PRR3: variants seen among roughly 807,000 people sequenced by gnomAD.
PRR3 encodes proline-rich protein 3.
A neutral mutation model predicts 22.4 loss-of-function variants in PRR3; 16 were observed. The ratio of observed to expected loss-of-function variants is 0.71; its 90% CI spans 0.48 to 1.09. The LOEUF (loss-of-function observed/expected upper bound fraction) is 1.09, where lower values mean the gene tolerates loss of function less well. PRR3 is among the 50% of genes least tolerant of loss of function. The pLI, the probability that PRR3 is intolerant of heterozygous loss-of-function variation, is 0.00. For missense variants in PRR3, 224 were observed against 243.4 expected, an observed-to-expected ratio of 0.92 and a Z score of 0.53; for synonymous variants, 87 against 88.6, an observed-to-expected ratio of 0.98 and a Z score of 0.10.
Position 30,561,106 on chromosome 6 carries a change from C to A in PRR3, c.170-728C>A. 2.2e-5 allele frequency: 5 copies of A among 230,466 alleles called. No homozygotes were observed. Among genetic ancestry groups the A allele is most frequent in the South Asian group, 4.6e-5 (1 of 21,630 alleles). The allele number at this position is 230,466 out of a possible 1,614,324, so 14.3% of individuals were successfully genotyped here. ...ACTCACCATGGCAAAATTTAAAAACCTAACAATTCCAAGTGTTGTCAAGGC... is the reference window on the plus strand; with the variant it reads ...ACTCACCATGGCAAAATTTAAAAACATAACAATTCCAAGTGTTGTCAAGGC... On this transcript the variant is annotated intron_variant, in intron 2 of 3. Coordinates refer to ENST00000376560, the MANE Select transcript of PRR3 (RefSeq NM_025263.4). The surrounding 1 kb of genome is among the most constrained non-coding windows in gnomAD (Gnocchi z 4.0).
rs1245730279 is a variant in PRR3 at position 30,561,405 on chromosome 6, C to T, written c.170-429C>T. The T allele has an allele frequency of 2.1e-6, 1 of 473,654 alleles. No homozygotes were observed. Among genetic ancestry groups the T allele is most frequent in the Non-Finnish European group, 4.2e-6 (1 of 239,192 alleles). The allele number at this position is 473,654 out of a possible 1,614,324, so 29.3% of individuals were successfully genotyped here. ...ATTGTTGTGTATGCATGCAATGGGA[C>T]TACACTGCAACGAAAATGAATGAAC... On this transcript the variant is annotated intron_variant, in intron 2 of 3. Transcript: ENST00000376560. This position sits in a 1 kb window ranked among gnomAD's most constrained non-coding sequence, Gnocchi z 4.0.
Position 30,562,167 on chromosome 6 carries a change from A to G in PRR3, c.460+43A>G, listed in dbSNP as rs2127392594. The G allele has an allele frequency of 4.0e-6, 6 of 1,514,070 alleles. No homozygotes were observed. In the South Asian group the frequency reaches 4.0e-5, roughly 10 times the overall value. 93.8% of individuals were successfully genotyped at this position (1,514,070 alleles called of 1,614,324 possible). A position where few individuals can be genotyped will look rare whatever the true frequency, so the allele number is the denominator to read the frequency against. ...ATGCCCATTACTCCCAGAGTGACCT[A>G]ATTTTCAGAAGATCATTCACAATCT... is the stretch of plus-strand genomic sequence containing the variant. On this transcript the variant is annotated intron_variant, in intron 3 of 3. Coordinates refer to ENST00000376560, the MANE Select transcript of PRR3 (RefSeq NM_025263.4).
At chr6:30,557,047 T>A (rs1400164351), upstream of PRR3, 1 of 700,900 alleles carries the variant, frequency 1.4e-6, no homozygotes, top group Non-Finnish European at 2.6e-6. Context: ...TGTGACACAC[T>A]CTGAGGAGCT....
chr6:30,560,878 T>C (rs1378955031), intron 2 of PRR3: 2 of 157,046 alleles, frequency 1.3e-5, no homozygotes, highest in East Asian at 3.8e-4. Context: ...AGATGGTAAT[T>C]TTTATGTGTT....
intron 2 of PRR3, chr6:30,560,831 A>G (rs1158722836): frequency 1.3e-5 from 2 of 153,136 alleles, no homozygotes; most frequent in African/African-American, 2.4e-5. Flanking sequence ...ATATGAATAT[A>G]TGTAACACTA....
At position 30,562,590 on chromosome 6, in the gene PRR3, C is replaced by T; in HGVS notation, c.*95C>T. 1 of 785,102 alleles carries T rather than the reference C, an allele frequency of 1.3e-6. No homozygotes were observed. Among genetic ancestry groups the T allele is most frequent in the African/African-American group, 1.7e-5 (1 of 58,168 alleles). 48.6% of individuals were successfully genotyped at this position (785,102 alleles called of 1,614,324 possible). A position where few individuals can be genotyped will look rare whatever the true frequency, so the allele number is the denominator to read the frequency against. On this transcript the variant is annotated 3_prime_UTR_variant, in exon 4 of 4. Coordinates refer to ENST00000376560, the MANE Select transcript of PRR3 (RefSeq NM_025263.4). ...CTATGATGGCTACTGTGAGGCTCTT[C>T]TAACACCCTCAGTCAGTGACACACC... is the stretch of plus-strand genomic sequence containing the variant.
At chr6:30,559,831 AGGG>A (rs1256147871) in intron 2 of PRR3, among the ~76,000 whole-genome samples, 3 of 152,132 alleles carry the variant, frequency 2.0e-5, no homozygotes, top group African/African-American at 7.2e-5. Flanking sequence ...AATGGAAAGC[AGGG>A]TCTTGAGATA....
At chr6:30,557,953 T>C (rs1800369968) in intron 1 of PRR3, among the ~76,000 whole-genome samples, 197 bp from the exon 2 acceptor site, 1 of 152,250 alleles carries the variant, frequency 6.6e-6, no homozygotes, top group Non-Finnish European at 1.5e-5. Flanking sequence ...TGATTGAATA[T>C]CTACTTTTTG....
intron 1 of PRR3, among the ~76,000 whole-genome samples, chr6:30,557,946 T>C (rs1386378743): frequency 6.6e-6 from 1 of 152,212 alleles, no homozygotes; most frequent in East Asian, 1.9e-4. Flanking sequence ...TCCCCTTTGA[T>C]TGAATATCTA....
chr6:30,561,926 A>G lies in PRR3; in HGVS notation c.262A>G (p.Arg88Gly). Residue 88 changes from arginine (R) to glycine (G), a missense_variant, in exon 3 of 4, where the codon AGA becomes GGA. Transcript: ENST00000376560. The surrounding 1 kb of genome is among the most constrained non-coding windows in gnomAD (Gnocchi z 4.0). ...TCCTTGGGGTAGAGGCCCAATTCGG[A>G]GAGGGCTTGGCCCCAGGTCTAGCCC... ...PPPWGRGPIR[R>G]GLGPRSSPYG... 2.5e-6 allele frequency: 4 copies of G among 1,612,884 alleles called. No homozygotes were observed. The highest frequency in any genetic ancestry group is 1.1e-5 in the South Asian group (1 of 91,066).
In PRR3 at chr6:30,562,401, G is replaced by A. The variant is rs149611238; in HGVS notation, c.473G>A (p.Arg158His). The change falls in exon 4 of 4, where the codon CGC becomes CAC. Residue 158 changes from arginine (R) to histidine (H), a missense_variant. Physicochemically the swap from Arg to His is conservative, Grantham distance 29. Transcript: ENST00000376560. Reference protein sequence around the residue: ...DPQVMEDKSDRPVCRHFAKKG... With the variant: ...DPQVMEDKSDHPVCRHFAKKG... Reference sequence around the variant, plus strand: ...CACTTGTTCACAGACAAATCCGACCGCCCTGTCTGCCGACATTTTGCCAAA... The same window carrying A: ...CACTTGTTCACAGACAAATCCGACCACCCTGTCTGCCGACATTTTGCCAAA... The A allele has an allele frequency of 5.9e-4, 958 of 1,613,352 alleles. 2 individuals carry two copies. Among genetic ancestry groups the A allele is most frequent in the Non-Finnish European group, 7.3e-4 (858 of 1,179,502 alleles).
At chr6:30,558,058 T>G in intron 1 of PRR3, 92 bp from the exon 2 acceptor site, 1 of 1,101,856 alleles carries the variant, frequency 9.1e-7, no homozygotes. Context: ...CTGGTTGAAT[T>G]AAGAAATAAG....
At chr6:30,556,939 C>A, upstream of PRR3, 4 of 617,094 alleles carry the variant, frequency 6.5e-6, no homozygotes, top group Non-Finnish European at 1.2e-5. This position sits in a 1 kb window ranked among gnomAD's most constrained non-coding sequence, Gnocchi z 5.7. Context: ...CGAAGTTGTG[C>A]CTGCAGCTGT....
At chr6:30,562,177 A>C in intron 3 of PRR3, 53 bp downstream of exon 3, 1 of 1,503,276 alleles carries the variant, frequency 6.7e-7, no homozygotes, top group Non-Finnish European at 8.9e-7. Flanking sequence ...AATTTTCAGA[A>C]GATCATTCAC....
chr6:30,559,888 G>C (rs1254654191), intron 2 of PRR3: 1 of 152,014 alleles, frequency 6.6e-6, no homozygotes, highest in Non-Finnish European at 1.5e-5. Flanking sequence ...CAATAACAAA[G>C]AGGTGGAAGC....
Position 30,562,703 on chromosome 6 carries a change from T to C in PRR3, c.*208T>C. ...ATACGCGCTTTCTTCTGATCCAGCC[T>C]GTAGAGACTCGCCTTTGGGACCCAT... On this transcript the variant is annotated 3_prime_UTR_variant, in exon 4 of 4. Coordinates refer to ENST00000376560, the MANE Select transcript of PRR3 (RefSeq NM_025263.4). 1 of 464,522 alleles carries C rather than the reference T, an allele frequency of 2.2e-6. No homozygotes were observed. The highest frequency in any genetic ancestry group is 3.8e-6 in the Non-Finnish European group (1 of 262,002). The allele number at this position is 464,522 out of a possible 1,614,324, so 28.8% of individuals were successfully genotyped here.
upstream of PRR3, chr6:30,556,833 G>A: frequency 3.7e-6 from 2 of 533,518 alleles, no homozygotes; most frequent in Non-Finnish European, 6.7e-6. This position sits in a 1 kb window ranked among gnomAD's most constrained non-coding sequence, Gnocchi z 5.7. Flanking sequence ...TTGTGGGAAC[G>A]ATGATAAGGA....
chr6:30,559,775 A>C (rs978197322), intron 2 of PRR3, among the ~76,000 whole-genome samples: 2 of 152,126 alleles, frequency 1.3e-5, no homozygotes, highest in African/African-American at 4.8e-5. Context: ...TTAAAAATAG[A>C]ATTACCCCAG....
Position 30,561,663 on chromosome 6 carries a change from G to A in PRR3, c.170-171G>A. 1.6e-6 allele frequency: 1 copy of A among 624,390 alleles called. No homozygotes were observed. Among genetic ancestry groups the A allele is most frequent in the South Asian group, 2.1e-5 (1 of 48,656 alleles). 38.7% of individuals were successfully genotyped at this position (624,390 alleles called of 1,614,324 possible). A position where few individuals can be genotyped will look rare whatever the true frequency, so the allele number is the denominator to read the frequency against. On this transcript the variant is annotated intron_variant, in intron 2 of 3. Coordinates refer to ENST00000376560, the MANE Select transcript of PRR3 (RefSeq NM_025263.4). This position sits in a 1 kb window ranked among gnomAD's most constrained non-coding sequence, Gnocchi z 4.0. ...TAATAAGGCTTTATCTCTTCACCTG[G>A]TGGTGGAAACTCAAGTGTGTCTACT...
Sources: gnomAD v4.1 joint callset for allele counts (sites outside exome capture counted in the v4.1 genomes callset) on GRCh38, gnomAD v4.1.1 for gene constraint, Gnocchi (gnomAD v3.1) non-coding constraint, MANE v1.5 for transcripts, NCBI Gene and HGNC (gene_info 2026-07-23, HGNC 2026-07-21) for gene names.